Variants in PDE3A observed in about 807,000 individuals in gnomAD.
The protein encoded by PDE3A is phosphodiesterase 3A.
A neutral mutation model predicts 98.3 loss-of-function variants in PDE3A; 43 were observed. The ratio of observed to expected loss-of-function variants is 0.44; its 90% confidence interval spans 0.34 to 0.56. The LOEUF (loss-of-function observed/expected upper bound fraction) is 0.56, where lower values mean the gene tolerates loss of function less well. Ranked by LOEUF, PDE3A falls within the 20% of genes least tolerant of loss-of-function variation. The pLI is 0.01. For missense variants in PDE3A, 1,427 were observed against 1,440.7 expected, an observed-to-expected ratio of 0.99 and a Z score of 0.15; for synonymous variants, 663 against 567.9, an observed-to-expected ratio of 1.17 and a Z score of -2.38.
At position 20,385,983 on chromosome 12, in the gene PDE3A, T is replaced by TAATATATATATA. The variant is rs1565532260; in HGVS notation, c.960+15749_960+15750insTAAATATATATA. Among the ~76,000 whole-genome samples, 104 of 69,878 alleles carry TAATATATATATA rather than the reference T, an allele frequency of 1.5e-3. 7 individuals carry two copies. The highest frequency in any genetic ancestry group is 5.0e-3 in the African/African-American group (100 of 20,096). The allele number at this position is 69,878 out of a possible 152,430, so 45.8% of individuals were successfully genotyped here. A position where few individuals can be genotyped will look rare whatever the true frequency, so the allele number is the denominator to read the frequency against. On this transcript the variant is annotated intron_variant, in intron 1 of 15. Coordinates refer to ENST00000359062, the MANE Select transcript of PDE3A (RefSeq NM_000921.5). ...ATTAATTATATTAATTATTAATATA[T>TAATATATATATA]AATATATATAAAATATATATATAAA...
chr12:20,619,298 T>C (rs1298691455), intron 4 of PDE3A, among the ~76,000 whole-genome samples: 1 of 152,072 alleles, frequency 6.6e-6, no homozygotes, highest in East Asian at 1.9e-4. Context: ...TAGTGTATTT[T>C]GCAAACTTGA....
intron 8 of PDE3A, among the ~76,000 whole-genome samples, chr12:20,635,324 T>C (rs1297680278): frequency 1.3e-5 from 2 of 152,052 alleles, no homozygotes; most frequent in East Asian, 3.9e-4. Context: ...CCCAGCACTT[T>C]GGGAGGCCAA....
chr12:20,405,280 C>A (rs1049544999), intron 1 of PDE3A, among the ~76,000 whole-genome samples: 1 of 152,146 alleles, frequency 6.6e-6, no homozygotes, highest in African/African-American at 2.4e-5. Context: ...TTTGTGCACA[C>A]GCTCTCCTTA....
At chr12:20,602,045 T>A (rs535458244) in intron 2 of PDE3A, among the ~76,000 whole-genome samples, 2 of 152,314 alleles carry the variant, frequency 1.3e-5, no homozygotes, top group East Asian at 1.9e-4. Context: ...TTAAAACTCT[T>A]TCTCATATCA....
At chr12:20,666,683 T>C (rs960970471) in intron 15 of PDE3A, among the ~76,000 whole-genome samples, 2 of 152,250 alleles carry the variant, frequency 1.3e-5, no homozygotes, top group African/African-American at 4.8e-5. Context: ...CATCAGTTGA[T>C]GGACACTTAG....
At chr12:20,610,872 G>A (rs551630951) in intron 2 of PDE3A, among the ~76,000 whole-genome samples, 60 of 151,988 alleles carry the variant, frequency 3.9e-4, no homozygotes, top group Admixed American at 2.2e-3. Context: ...TAAAACAGTC[G>A]TTACCCTGGG....
At chr12:20,418,899 T>G (rs779349349) in intron 1 of PDE3A, among the ~76,000 whole-genome samples, 39 of 152,310 alleles carry the variant, frequency 2.6e-4, no homozygotes, top group Admixed American at 6.5e-4. Context: ...TCTATGCTTC[T>G]TAATATTCCG....
chr12:20,379,599 T>C (rs1420776396), intron 1 of PDE3A, among the ~76,000 whole-genome samples: 1 of 151,774 alleles, frequency 6.6e-6, no homozygotes, highest in Non-Finnish European at 1.5e-5. Context: ...TTATTGTAAG[T>C]GCTGGCTGGA....
chr12:20,622,600 C>G (rs1327917589), intron 5 of PDE3A, among the ~76,000 whole-genome samples: 1 of 152,096 alleles, frequency 6.6e-6, no homozygotes, highest in Non-Finnish European at 1.5e-5. Context: ...GAGCTTTCAT[C>G]AGGGCCAGGC....
chr12:20,369,816 C>T lies in PDE3A; in HGVS notation c.532C>T (p.Leu178=). Residue 178 remains leucine (L), a synonymous_variant, in exon 1 of 16, where the codon CTG becomes TTG. Transcript: ENST00000359062. The part of the protein sequence containing the change: ...CGGEALVQIG[L]GVGEDHLLSL... ...GGGGGAAGCGCTCGTCCAGATTGGG[C>T]TGGGCGTCGGGGAGGATCACTTACT... 1 of 1,612,050 alleles carries T rather than the reference C, an allele frequency of 6.2e-7. No individual in the cohort carries two copies. Among genetic ancestry groups the T allele is most frequent in the Non-Finnish European group, 8.5e-7 (1 of 1,179,520 alleles).
intron 1 of PDE3A, among the ~76,000 whole-genome samples, chr12:20,425,263 T>A (rs943962239): frequency 6.6e-6 from 1 of 152,104 alleles, no homozygotes; most frequent in East Asian, 1.9e-4. Context: ...AGTGGGTTTT[T>A]TTTCCACCGG....
intron 1 of PDE3A, among the ~76,000 whole-genome samples, chr12:20,447,439 C>T (rs1393517812): frequency 6.6e-6 from 1 of 152,178 alleles, no homozygotes; most frequent in Non-Finnish European, 1.5e-5. Flanking sequence ...AGCCCCATCT[C>T]TCAACCTCTG....
chr12:20,616,325 T>A lies in PDE3A; in HGVS notation c.1365T>A (p.Pro455=), dbSNP rs1204850261. Residue 455 remains proline, a synonymous_variant, in exon 4 of 16, where the codon CCT becomes CCA. Transcript: ENST00000359062. The part of the protein sequence containing the change: ...TSATGLPTLE[P]APVRRDRSTS... Reference sequence around the variant, plus strand: ...CCACAGGTCTACCCACCTTGGAGCCTGCACCAGTACGGAGAGACCGCAGCA... The same window carrying A: ...CCACAGGTCTACCCACCTTGGAGCCAGCACCAGTACGGAGAGACCGCAGCA... 1 of 1,613,892 alleles carries A rather than the reference T, an allele frequency of 6.2e-7. No individual in the cohort carries two copies. The highest frequency in any genetic ancestry group is 1.3e-5 in the African/African-American group (1 of 74,902).
intron 1 of PDE3A, among the ~76,000 whole-genome samples, chr12:20,477,025 T>C (rs1945542781): frequency 6.6e-6 from 1 of 152,198 alleles, no homozygotes; most frequent in Non-Finnish European, 1.5e-5. Context: ...CTACTAATAC[T>C]ATTTCGTGGT....
intron 1 of PDE3A, among the ~76,000 whole-genome samples, chr12:20,428,277 A>G (rs2120787559): frequency 6.6e-6 from 1 of 152,264 alleles, no homozygotes; most frequent in South Asian, 2.1e-4. Context: ...AAATATTATT[A>G]TTAGTAGTAG....
intron 3 of PDE3A, among the ~76,000 whole-genome samples, chr12:20,614,533 A>C (rs2121457559): frequency 6.6e-6 from 1 of 152,268 alleles, no homozygotes; most frequent in East Asian, 1.9e-4. Flanking sequence ...CTTTGTCAAT[A>C]ACATATTTAC....
At chr12:20,676,763 T>A (rs999869806) in intron 15 of PDE3A, among the ~76,000 whole-genome samples, 1 of 152,178 alleles carries the variant, frequency 6.6e-6, no homozygotes, top group Non-Finnish European at 1.5e-5. Context: ...CCTCCGAAAG[T>A]GCTGGGATTA....
At chr12:20,592,075 A>G (rs1401099358) in intron 2 of PDE3A, among the ~76,000 whole-genome samples, 1 of 152,188 alleles carries the variant, frequency 6.6e-6, no homozygotes, top group Non-Finnish European at 1.5e-5. Flanking sequence ...TATGGCACAG[A>G]TAGCAGTATG....
At chr12:20,597,723 T>TAACC (rs1234790653) in intron 2 of PDE3A, among the ~76,000 whole-genome samples, 1 of 152,214 alleles carries the variant, frequency 6.6e-6, no homozygotes, top group Non-Finnish European at 1.5e-5. Flanking sequence ...CTTTATCCTC[T>TAACC]AACCCCTTTC....
Sources: allele counts gnomAD v4.1 joint callset (sites outside exome capture counted in the v4.1 genomes callset), GRCh38; gene constraint gnomAD v4.1.1; transcripts MANE v1.5; gene names NCBI Gene and HGNC (gene_info 2026-07-23, HGNC 2026-07-21).